Variants in INPP4B observed in about 807,000 individuals in gnomAD.
INPP4B encodes inositol polyphosphate-4-phosphatase type II B.
Under a neutral mutation model 122.5 loss-of-function variants are expected in INPP4B, and 55 were observed. The ratio of observed to expected loss-of-function variants is 0.45; its 90% CI spans 0.36 to 0.56. The LOEUF (loss-of-function observed/expected upper bound fraction) is 0.56. INPP4B is among the 20% of genes least tolerant of loss of function. The pLI, the probability that INPP4B is intolerant of heterozygous loss-of-function variation, is 0.00. For synonymous variants in INPP4B, 403 were observed against 388.7 expected (o/e 1.04, Z -0.43); for missense variants, 1,000 against 1,097.7 (o/e 0.91, Z 1.26).
intron 2 of INPP4B, among the ~76,000 whole-genome samples, chr4:142,599,015 G>C (rs1170491537): frequency 6.6e-6 from 1 of 152,160 alleles, no homozygotes; most frequent in African/African-American, 2.4e-5. Flanking sequence ...TGATATTGCT[G>C]CCACAGAGAG....
intron 2 of INPP4B, among the ~76,000 whole-genome samples, chr4:142,503,428 A>G (rs1823634372): frequency 2.0e-5 from 3 of 152,216 alleles, no homozygotes; most frequent in Non-Finnish European, 2.9e-5. Flanking sequence ...ACTTATAAAC[A>G]TTACAAAATA....
intron 2 of INPP4B, among the ~76,000 whole-genome samples, chr4:142,697,729 A>T (rs1761209474): frequency 6.6e-6 from 1 of 152,194 alleles, no homozygotes; most frequent in South Asian, 2.1e-4. Flanking sequence ...TCCCAATATC[A>T]TGAGTTATTC....
At chr4:142,400,747 G>A (rs368627088) in intron 7 of INPP4B, among the ~76,000 whole-genome samples, 2 of 151,958 alleles carry the variant, frequency 1.3e-5, no homozygotes, top group African/African-American at 4.8e-5. Context: ...ATACTTTTAC[G>A]CCATAACACC....
intron 7 of INPP4B, among the ~76,000 whole-genome samples, chr4:142,396,797 AAATT>A (rs1401608876): frequency 1.8e-4 from 28 of 152,276 alleles, no homozygotes; most frequent in Admixed American, 9.2e-4. Context: ...TTCATGCAGG[AAATT>A]AATTAATCTA....
intron 1 of INPP4B, among the ~76,000 whole-genome samples, chr4:142,729,535 CAA>C (rs1283820285): frequency 2.6e-5 from 4 of 152,012 alleles, no homozygotes; most frequent in Non-Finnish European, 4.4e-5. Context: ...GGTGAGGAAA[CAA>C]GAGGTAAATG....
intron 18 of INPP4B, among the ~76,000 whole-genome samples, chr4:142,135,987 C>T (rs1348534202): frequency 6.6e-6 from 1 of 152,084 alleles, no homozygotes; most frequent in Non-Finnish European, 1.5e-5. Context: ...TTAGTAGAGA[C>T]GGGGTTTCAC....
chr4:142,401,490 C>T (rs932130226), intron 7 of INPP4B, among the ~76,000 whole-genome samples: 3 of 152,094 alleles, frequency 2.0e-5, no homozygotes, highest in Non-Finnish European at 4.4e-5. Flanking sequence ...TGTAGGGTCA[C>T]TTGAGAAAAA....
At chr4:142,637,076 A>G (rs1749316302) in intron 2 of INPP4B, among the ~76,000 whole-genome samples, 1 of 152,190 alleles carries the variant, frequency 6.6e-6, no homozygotes, top group Non-Finnish European at 1.5e-5. Context: ...GCAAAAAATG[A>G]GCAGAAAGTA....
intron 1 of INPP4B, among the ~76,000 whole-genome samples, chr4:142,729,630 T>C (rs1765805120): frequency 6.6e-6 from 1 of 152,148 alleles, no homozygotes; most frequent in Non-Finnish European, 1.5e-5. Flanking sequence ...CTCTCCCCGT[T>C]TGAGCTTTTC....
At chr4:142,318,861 C>G (rs534972488) in intron 7 of INPP4B, among the ~76,000 whole-genome samples, 1 of 152,332 alleles carries the variant, frequency 6.6e-6, no homozygotes, top group Non-Finnish European at 1.5e-5. Context: ...CTTCACAAAT[C>G]TTAATTGTTC....
chr4:142,433,829 T>C lies in INPP4B; in HGVS notation c.-126-2444A>G, dbSNP rs558296401. On this transcript the variant is annotated intron_variant, in intron 3 of 25. Coordinates refer to ENST00000262992, the MANE Select transcript of INPP4B (RefSeq NM_001101669.3). ...GGAGAATGCCCTTAGTTGTTATGGT[T>C]CCTGTTTAATAGCATATTTCAGGGA... Among the ~76,000 whole-genome samples, 22 of 152,272 alleles carry C rather than the reference T, an allele frequency of 1.4e-4. 2 individuals are homozygous for C. The South Asian group carries it at 4.6e-3, about 32-fold the overall frequency.
At chr4:142,761,516 A>G (rs1771338920) in intron 1 of INPP4B, among the ~76,000 whole-genome samples, 1 of 152,184 alleles carries the variant, frequency 6.6e-6, no homozygotes, top group Non-Finnish European at 1.5e-5. Context: ...TAACTGAGTC[A>G]TATTTTTTCT....
intron 3 of INPP4B, among the ~76,000 whole-genome samples, chr4:142,456,454 T>A (rs1366136132): frequency 6.6e-6 from 1 of 152,042 alleles, no homozygotes; most frequent in Non-Finnish European, 1.5e-5. Flanking sequence ...GGCTTTGTTC[T>A]TGGGCTCTCT....
intron 2 of INPP4B, among the ~76,000 whole-genome samples, chr4:142,703,576 A>C (rs1385793009): frequency 6.6e-6 from 1 of 152,202 alleles, no homozygotes; most frequent in Non-Finnish European, 1.5e-5. Flanking sequence ...GGTTTGGAAC[A>C]TAGGGTTTGA....
At chr4:142,247,556 T>G (rs1048832756) in intron 11 of INPP4B, among the ~76,000 whole-genome samples, 1 of 152,210 alleles carries the variant, frequency 6.6e-6, no homozygotes, top group Non-Finnish European at 1.5e-5. Context: ...CCATTTCTTT[T>G]AGATCTTCTA....
In INPP4B at chr4:142,665,097, C is replaced by T. The variant is rs80330292; in HGVS notation, c.-191+60742G>A. On this transcript the variant is annotated intron_variant, in intron 2 of 25. Transcript: ENST00000262992. ...CAGTTAAAATATGATATTATAACCT[C>T]ATCAGACCACCATGGGATATGCTGT... Among the ~76,000 whole-genome samples, 675 of 152,294 alleles carry T rather than the reference C, an allele frequency of 4.4e-3. 3 individuals carry two copies. Among genetic ancestry groups the T allele is most frequent in the Non-Finnish European group, 7.3e-3 (499 of 68,014 alleles).
intron 18 of INPP4B, among the ~76,000 whole-genome samples, chr4:142,130,494 G>A (rs746254712): frequency 1.7e-4 from 26 of 152,162 alleles, no homozygotes; most frequent in Admixed American, 1.3e-4. Flanking sequence ...AAAGGACGGC[G>A]CAGAGGATAT....
At chr4:142,504,873 CAAGT>C (rs767586456) in intron 2 of INPP4B, among the ~76,000 whole-genome samples, 6 of 151,822 alleles carry the variant, frequency 4.0e-5, no homozygotes, top group South Asian at 2.1e-4. Context: ...ACAACACAAG[CAAGT>C]GTTACCTTGC....
At chr4:142,609,662 A>G (rs1300121694) in intron 2 of INPP4B, among the ~76,000 whole-genome samples, 3 of 152,200 alleles carry the variant, frequency 2.0e-5, no homozygotes, top group African/African-American at 4.8e-5. Flanking sequence ...CTAAGATACC[A>G]TCTATAAATA....
Sources: gnomAD v4.1 joint callset for allele counts (sites outside exome capture counted in the v4.1 genomes callset) on GRCh38, gnomAD v4.1.1 for gene constraint, MANE v1.5 for transcripts, NCBI Gene and HGNC (gene_info 2026-07-23, HGNC 2026-07-21) for gene names.